The following CDKL4 variants were observed in gnomAD, a reference collection of about 807,000 sequenced individuals.
CDKL4 encodes the protein cyclin-dependent kinase-like 4.
Under a neutral mutation model 42.0 loss-of-function variants are expected in CDKL4, and 44 were observed. That is an observed-to-expected ratio of 1.05 (90% CI 0.82 to 1.35). CDKL4 has a LOEUF of 1.35. Among genes scored for constraint, CDKL4 ranks in the 40% most tolerant of loss-of-function variants. The pLI is 0.00. For missense variants in CDKL4, 393 were observed against 369.9 expected, an observed-to-expected ratio of 1.06 and a Z score of -0.51; for synonymous variants, 120 against 121.6, an observed-to-expected ratio of 0.99 and a Z score of 0.09.
intron 3 of CDKL4, among the ~76,000 whole-genome samples, chr2:39,222,316 G>A (rs540911318): frequency 3.3e-5 from 5 of 152,268 alleles, no homozygotes; most frequent in Admixed American, 1.3e-4. Context: ...TAGGCCAGGT[G>A]TGGGGACTCA....
In CDKL4 at chr2:39,204,457, T is replaced by C. The variant is rs11898025; in HGVS notation, c.454+70A>G. 1.6e-4 allele frequency: 141 copies of C among 882,550 alleles called. No individual in the cohort carries two copies. In the African/African-American group the frequency reaches 2.1e-3, roughly 13 times the overall value. The allele number at this position is 882,550 out of a possible 1,614,324, so 54.7% of individuals were successfully genotyped here. ...TATTTGGCATATGTCCAATATCCAA[T>C]GTAAGAATTTAAACTATGTCATTTT... On this transcript the variant is annotated intron_variant, in intron 5 of 9. Coordinates refer to ENST00000451199, the Ensembl canonical transcript of CDKL4.
At chr2:39,234,891 ATT>A (rs1302925675) in intron 1 of CDKL4, among the ~76,000 whole-genome samples, 3,102 of 145,046 alleles carry the variant, frequency 0.021, 83 homozygotes, top group African/African-American at 0.073. Flanking sequence ...TTTAAAAAAA[ATT>A]TTTTTTTTTT....
chr2:39,213,440 C>T lies in CDKL4; in HGVS notation c.323G>A (p.Trp108Ter). 6.2e-7 allele frequency: 1 copy of T among 1,611,202 alleles called. No homozygotes were observed. The highest frequency in any genetic ancestry group is 8.5e-7 in the Non-Finnish European group (1 of 1,177,652). ...GAAATTAAGAGCTTGAAGTGTTTGC[C>T]ATAATACGCTTTTGATCACTCCATC... is the stretch of plus-strand genomic sequence containing the variant. Residue 108 changes from tryptophan to a stop codon, truncating the protein, a stop_gained, in exon 4 of 10, where the codon TGG becomes TAG. Transcript: ENST00000451199. LOFTEE classifies it high-confidence loss of function.
intron 5 of CDKL4, among the ~76,000 whole-genome samples, chr2:39,201,031 A>AC (rs1316239544): frequency 1.3e-5 from 2 of 152,180 alleles, no homozygotes; most frequent in Non-Finnish European, 2.9e-5. Context: ...TAAACAGACA[A>AC]CCCACAGTGT....
At chr2:39,193,114 C>T (rs1342835824) in intron 5 of CDKL4, among the ~76,000 whole-genome samples, 4 of 136,722 alleles carry the variant, frequency 2.9e-5, no homozygotes, top group South Asian at 4.5e-4. Flanking sequence ...GGCTACAGAG[C>T]GAGACTCCAT....
downstream of CDKL4, among the ~76,000 whole-genome samples, chr2:39,172,269 G>A (rs78383844): frequency 0.058 from 8,691 of 151,008 alleles, 410 homozygotes; most frequent in South Asian, 0.16. Flanking sequence ...CCAAGATTGC[G>A]CCATTGCATT....
chr2:39,223,914 T>C (rs1396702145), intron 3 of CDKL4, among the ~76,000 whole-genome samples: 1 of 152,154 alleles, frequency 6.6e-6, no homozygotes, highest in Non-Finnish European at 1.5e-5. Flanking sequence ...TCTTTTTTAA[T>C]GATTTGCTTC....
intron 5 of CDKL4, among the ~76,000 whole-genome samples, chr2:39,203,052 G>C (rs955867086): frequency 2.0e-5 from 3 of 152,176 alleles, no homozygotes; most frequent in African/African-American, 7.2e-5. Flanking sequence ...TTCTGGATGT[G>C]TTCATGCAGT....
intron 6 of CDKL4, among the ~76,000 whole-genome samples, chr2:39,188,721 T>C (rs1033257568): frequency 6.6e-6 from 1 of 152,108 alleles, no homozygotes; most frequent in African/African-American, 2.4e-5. Flanking sequence ...ACAGGGTCTC[T>C]CTCTGTTGCC....
At chr2:39,187,243 GC>G (rs1342573267) in intron 7 of CDKL4, among the ~76,000 whole-genome samples, 1 of 152,074 alleles carries the variant, frequency 6.6e-6, no homozygotes, top group Non-Finnish European at 1.5e-5. Flanking sequence ...GGCCTCCCCA[GC>G]CATGCTGGAC....
intron 3 of CDKL4, among the ~76,000 whole-genome samples, chr2:39,214,815 GA>G (rs1677815726): frequency 6.6e-6 from 1 of 152,198 alleles, no homozygotes; most frequent in Non-Finnish European, 1.5e-5. Flanking sequence ...CCATAAGAAT[GA>G]GAGGGTGTAA....
intron 6 of CDKL4, among the ~76,000 whole-genome samples, 191 bp downstream of exon 6, chr2:39,190,114 A>G (rs1676085582): frequency 6.6e-6 from 1 of 152,232 alleles, no homozygotes; most frequent in African/African-American, 2.4e-5. Context: ...GAGAGGAGTT[A>G]CGGTTCTGCA....
the CDKL4 span, among the ~76,000 whole-genome samples, chr2:39,170,561 A>G: frequency 1.3e-5 from 2 of 151,976 alleles, no homozygotes; most frequent in African/African-American, 2.4e-5. Flanking sequence ...GATTCAAGCG[A>G]TTCTCTTGCC....
downstream of CDKL4, among the ~76,000 whole-genome samples, chr2:39,175,298 C>G (rs1168828040): frequency 1.3e-5 from 2 of 152,142 alleles, no homozygotes; most frequent in Admixed American, 1.3e-4. Context: ...TAGCAAAGGA[C>G]AGCAGTCAAT....
intron 5 of CDKL4, among the ~76,000 whole-genome samples, chr2:39,203,061 G>A (rs1341916773): frequency 6.6e-6 from 1 of 152,168 alleles, no homozygotes; most frequent in Non-Finnish European, 1.5e-5. Context: ...TGTTCATGCA[G>A]TCAAAATTTC....
chr2:39,203,903 G>A (rs1024700337), intron 5 of CDKL4, among the ~76,000 whole-genome samples: 3 of 152,206 alleles, frequency 2.0e-5, no homozygotes, highest in African/African-American at 4.8e-5. Flanking sequence ...CAAATCACTC[G>A]TGTTTGGGTC....
At chr2:39,229,657 C>T in intron 1 of CDKL4, 69 bp from the exon 2 acceptor site, 2 of 638,402 alleles carry the variant, frequency 3.1e-6, no homozygotes. Context: ...TATATACAAC[C>T]AATTTGTCCA....
intron 7 of CDKL4, among the ~76,000 whole-genome samples, chr2:39,185,092 C>T (rs1273248254): frequency 7.1e-6 from 1 of 141,268 alleles, no homozygotes; most frequent in African/African-American, 2.7e-5. Flanking sequence ...CTAGTAGGTT[C>T]AATAATTCAT....
At chr2:39,220,996 T>TTTG (rs1678307009) in intron 3 of CDKL4, among the ~76,000 whole-genome samples, 2 of 53,732 alleles carry the variant, frequency 3.7e-5, no homozygotes, top group Middle Eastern at 0.012. Flanking sequence ...TTTTTTTTTT[T>TTTG]TTTTGTTTTT....
Sources: gnomAD v4.1 joint callset for allele counts (sites outside exome capture counted in the v4.1 genomes callset) on GRCh38, gnomAD v4.1.1 for gene constraint, MANE v1.5 for transcripts, NCBI Gene and HGNC (gene_info 2026-07-23, HGNC 2026-07-21) for gene names.